The following METTL15 variants were observed in gnomAD, a reference collection of about 807,000 sequenced individuals.
METTL15 encodes 12S rRNA N(4)-cytidine methyltransferase METTL15.
METTL15 carries 34 observed loss-of-function variants against 38.3 expected under a neutral mutation model. The ratio of observed to expected loss-of-function variants is 0.89; its 90% CI spans 0.68 to 1.18. The LOEUF is 1.18. METTL15 is among the 50% of genes most tolerant of loss of function. METTL15 has a pLI of 0.00. For missense variants in METTL15, 438 were observed against 498.4 expected (o/e 0.88, Z 1.15); for synonymous variants, 162 against 170.9 (o/e 0.95, Z 0.41).
Position 28,424,567 on chromosome 11 carries a change from T to A in METTL15, c.*424+203T>A, listed in dbSNP as rs550053452. Among the ~76,000 whole-genome samples, 4 of 152,318 alleles carry A rather than the reference T, an allele frequency of 2.6e-5. No individual in the cohort carries two copies. In the South Asian group the frequency reaches 8.3e-4, roughly 32 times the overall value. ...ATTAGCATGGGCTCTTCAAAGCTGT[T>A]TGGTTCTTGTCAGTTACAGAACTTT... On this transcript the variant is annotated intron_variant and NMD_transcript_variant, in intron 6 of 7. Coordinates refer to the METTL15 transcript ENST00000532947.
At chr11:28,277,110 A>T (rs1434583590) in intron 4 of METTL15, among the ~76,000 whole-genome samples, 2 of 152,214 alleles carry the variant, frequency 1.3e-5, no homozygotes, top group Non-Finnish European at 2.9e-5. Context: ...GAGTGAAGAG[A>T]CAACCTATTG....
At chr11:28,243,765 A>G (rs1181100084) in intron 4 of METTL15, among the ~76,000 whole-genome samples, 2 of 152,214 alleles carry the variant, frequency 1.3e-5, no homozygotes, top group African/African-American at 2.4e-5. Context: ...TTGAGGGAAC[A>G]TTGTTTCCTC....
chr11:28,376,890 A>G (rs1053109185), intron 5 of METTL15, among the ~76,000 whole-genome samples: 1 of 141,088 alleles, frequency 7.1e-6, no homozygotes, highest in Non-Finnish European at 1.6e-5. Context: ...GCTTGTCTGT[A>G]AAGTATTTTA....
rs1026430731 is a variant in METTL15 at position 28,525,605 on chromosome 11, C to A, written c.*425-873C>A. 8.7e-4 allele frequency among the ~76,000 whole-genome samples: 132 copies of A among 152,324 alleles called. 1 individual carries two copies. Among genetic ancestry groups the A allele is most frequent in the African/African-American group, 2.9e-3 (122 of 41,574 alleles). On this transcript the variant is annotated intron_variant and NMD_transcript_variant, in intron 6 of 7. Transcript: ENST00000532947. The stretch of plus-strand genomic sequence containing the variant: ...TGCATTACAAACCTTGAGCTAGACA[C>A]AGAGTGCTGATTGGTGCATTTACAA...
intron 4 of METTL15, among the ~76,000 whole-genome samples, chr11:28,251,899 ACTTC>A (rs1393694023): frequency 6.6e-6 from 1 of 152,040 alleles, no homozygotes; most frequent in Non-Finnish European, 1.5e-5. Context: ...AGTACCCTTA[ACTTC>A]CTTCCTTTTT....
intron 3 of METTL15, among the ~76,000 whole-genome samples, chr11:28,137,085 G>A (rs989583218): frequency 5.9e-5 from 9 of 152,158 alleles, no homozygotes; most frequent in Admixed American, 2.0e-4. Flanking sequence ...ACCATGAGGT[G>A]AGATTTTGGT....
intron 4 of METTL15, among the ~76,000 whole-genome samples, chr11:28,247,922 A>G (rs1484687771): frequency 6.6e-6 from 1 of 152,142 alleles, no homozygotes; most frequent in Non-Finnish European, 1.5e-5. Context: ...GGTTAAAATA[A>G]TCAAAATAGG....
intron 6 of METTL15, among the ~76,000 whole-genome samples, chr11:28,448,294 A>T (rs910903127): frequency 2.0e-5 from 3 of 152,192 alleles, no homozygotes; most frequent in African/African-American, 7.2e-5. Context: ...TTCCTGCTGC[A>T]TGAATAGATC....
At position 28,341,439 on chromosome 11, in the gene METTL15, T is replaced by C. The variant is rs140194055; in HGVS notation, c.*190-10651T>C. On this transcript the variant is annotated intron_variant and NMD_transcript_variant, in intron 3 of 7. Transcript: ENST00000532947. ...ATGTTTAATCATTCTTTGAAAATGT[T>C]TTCTGTTTTAAAATGTTTGTAATGA... Among the ~76,000 whole-genome samples the C allele has an allele frequency of 1.5e-4, 23 of 152,344 alleles. 1 individual carries two copies. Among genetic ancestry groups the C allele is most frequent in the African/African-American group, 5.3e-4 (22 of 41,590 alleles).
intron 3 of METTL15, among the ~76,000 whole-genome samples, chr11:28,118,445 A>G (rs936157158): frequency 5.9e-5 from 9 of 152,188 alleles, no homozygotes; most frequent in African/African-American, 1.9e-4. Context: ...GCATCATTTC[A>G]TATTCTAGGT....
intron 4 of METTL15, among the ~76,000 whole-genome samples, chr11:28,285,776 T>G (rs1054802631): frequency 6.6e-6 from 1 of 152,106 alleles, no homozygotes; most frequent in South Asian, 2.1e-4. Context: ...GTGTGCTGCT[T>G]CTTTCATATC....
chr11:28,204,435 C>CTTTTTTTTT (rs59729387), intron 3 of METTL15, among the ~76,000 whole-genome samples: 2 of 79,338 alleles, frequency 2.5e-5, no homozygotes, highest in Non-Finnish European at 4.5e-5. Flanking sequence ...CTGAGTTTTC[C>CTTTTTTTTT]TTTTTTTTTT....
At chr11:28,456,860 A>T (rs2133452184) in intron 6 of METTL15, among the ~76,000 whole-genome samples, 1 of 152,308 alleles carries the variant, frequency 6.6e-6, no homozygotes, top group Non-Finnish European at 1.5e-5. Flanking sequence ...AGATATGTGG[A>T]TGAAGAAGCC....
chr11:28,113,632 G>T, intron 3 of METTL15, 28 bp downstream of exon 3: 1 of 1,593,358 alleles, frequency 6.3e-7, no homozygotes. Context: ...TTTTTAGCAA[G>T]TTTTTGTTGA....
chr11:28,237,181 A>G (rs943381660), intron 4 of METTL15, among the ~76,000 whole-genome samples: 1 of 152,104 alleles, frequency 6.6e-6, no homozygotes, highest in African/African-American at 2.4e-5. Context: ...CTCCTGGATA[A>G]TATCCTGCAG....
intron 6 of METTL15, among the ~76,000 whole-genome samples, chr11:28,504,295 G>A (rs953178725): frequency 7.3e-5 from 11 of 151,670 alleles, no homozygotes; most frequent in African/African-American, 2.7e-4. Flanking sequence ...CATGAAGCAT[G>A]TTGAACATAC....
chr11:28,112,849 G>T (rs1190965399), intron 2 of METTL15, among the ~76,000 whole-genome samples: 2 of 152,116 alleles, frequency 1.3e-5, no homozygotes, highest in East Asian at 3.9e-4. Context: ...ATTTAGCATT[G>T]TGAGAAAAAC....
intron 3 of METTL15, among the ~76,000 whole-genome samples, chr11:28,175,279 A>G (rs960278736): frequency 1.6e-5 from 2 of 125,474 alleles, no homozygotes; most frequent in African/African-American, 3.8e-5. Context: ...ACATGAACTC[A>G]TCTTTTTTTA....
At chr11:28,310,964 G>GGTGGTGGT (rs1857273709) in intron 6 of METTL15, among the ~76,000 whole-genome samples, 1 of 124,638 alleles carries the variant, frequency 8.0e-6, no homozygotes, top group Non-Finnish European at 1.6e-5. Context: ...TGGTGGTGGT[G>GGTGGTGGT]GGTGTGTGTG....
Sources: gnomAD v4.1 joint callset for allele counts (sites outside exome capture counted in the v4.1 genomes callset) on GRCh38, gnomAD v4.1.1 for gene constraint, MANE v1.5 for transcripts, NCBI Gene and HGNC (gene_info 2026-07-23, HGNC 2026-07-21) for gene names.